The following SLC10A7 variants were observed in gnomAD, a reference collection of about 807,000 sequenced individuals.
SLC10A7 encodes solute carrier family 10 member 7.
A neutral mutation model predicts 43.2 loss-of-function variants in SLC10A7; 29 were observed. The observed-to-expected ratio is 0.67, with a 90% CI of 0.50 to 0.92. SLC10A7 has a LOEUF of 0.92. Among genes scored for constraint, SLC10A7 ranks in the 40% least tolerant of loss-of-function variants. SLC10A7 has a pLI of 0.00. For missense variants in SLC10A7, 295 were observed against 403.2 expected (o/e 0.73, Z 2.30); for synonymous variants, 152 against 144.8 (o/e 1.05, Z -0.35).
intron 1 of SLC10A7, among the ~76,000 whole-genome samples, chr4:146,519,105 ATAT>A (rs1738335847): frequency 8.7e-5 from 3 of 34,416 alleles, no homozygotes; most frequent in Non-Finnish European, 1.5e-4. Context: ...ATATATATAT[ATAT>A]ATATAATATA....
At chr4:146,351,510 G>C (rs1038322268) in intron 5 of SLC10A7, among the ~76,000 whole-genome samples, 1 of 149,492 alleles carries the variant, frequency 6.7e-6, no homozygotes, top group African/African-American at 2.5e-5. Flanking sequence ...GCAGGCCAAC[G>C]TTCAGATTCA....
intron 10 of SLC10A7, among the ~76,000 whole-genome samples, chr4:146,263,026 A>G (rs1228550342): frequency 6.6e-6 from 1 of 152,210 alleles, no homozygotes; most frequent in Non-Finnish European, 1.5e-5. Context: ...CATGATGGGC[A>G]CCTTGTGGTC....
At chr4:146,506,296 A>G (rs1314392424) in intron 3 of SLC10A7, among the ~76,000 whole-genome samples, 2 of 152,204 alleles carry the variant, frequency 1.3e-5, no homozygotes, top group Non-Finnish European at 2.9e-5. Context: ...TTGAATACAT[A>G]TATCTTCTAT....
chr4:146,287,316 T>G (rs1730099385), intron 9 of SLC10A7, among the ~76,000 whole-genome samples: 1 of 152,054 alleles, frequency 6.6e-6, no homozygotes, highest in Admixed American at 6.5e-5. Context: ...AAAGAGAAAG[T>G]GAAGACACGG....
intron 10 of SLC10A7, among the ~76,000 whole-genome samples, chr4:146,262,279 T>G (rs1224116480): frequency 6.6e-6 from 1 of 152,194 alleles, no homozygotes; most frequent in Non-Finnish European, 1.5e-5. Context: ...ACTTCCCATG[T>G]TCGAGTTTCC....
At chr4:146,517,542 C>A (rs2150060618) in intron 1 of SLC10A7, among the ~76,000 whole-genome samples, 1 of 152,212 alleles carries the variant, frequency 6.6e-6, no homozygotes, top group South Asian at 2.1e-4. Context: ...ATCAGTGTCA[C>A]CCCTGGTGTC....
chr4:146,360,262 C>T (rs1735950418), intron 5 of SLC10A7, among the ~76,000 whole-genome samples: 1 of 151,882 alleles, frequency 6.6e-6, no homozygotes, highest in Non-Finnish European at 1.5e-5. Flanking sequence ...CTCCAAACTC[C>T]AGTCTAGCCC....
At chr4:146,408,318 C>CA (rs1359359667) in intron 5 of SLC10A7, among the ~76,000 whole-genome samples, 1 of 152,010 alleles carries the variant, frequency 6.6e-6, no homozygotes, top group Non-Finnish European at 1.5e-5. Context: ...GAGGATGAGG[C>CA]AGGCAGATTG....
intron 5 of SLC10A7, among the ~76,000 whole-genome samples, chr4:146,378,797 A>G (rs575536422): frequency 2.6e-5 from 4 of 152,372 alleles, no homozygotes; most frequent in African/African-American, 9.6e-5. Context: ...GATTGCACAC[A>G]GAGTCCACTG....
chr4:146,338,946 A>G (rs114997018), intron 5 of SLC10A7, among the ~76,000 whole-genome samples: 3 of 152,062 alleles, frequency 2.0e-5, no homozygotes, highest in African/African-American at 7.2e-5. Context: ...ATTACCAACA[A>G]GACTATGGGA....
chr4:146,299,372 T>C (rs896510666), intron 7 of SLC10A7, among the ~76,000 whole-genome samples: 6 of 152,226 alleles, frequency 3.9e-5, no homozygotes, highest in Non-Finnish European at 5.9e-5. Flanking sequence ...GATGTTTACA[T>C]TCTAGTTTAA....
chr4:146,470,038 A>T (rs1733418610), intron 4 of SLC10A7, among the ~76,000 whole-genome samples: 1 of 152,220 alleles, frequency 6.6e-6, no homozygotes, highest in Non-Finnish European at 1.5e-5. Context: ...GGGCAGATAT[A>T]TAACTATGCA....
intron 4 of SLC10A7, among the ~76,000 whole-genome samples, chr4:146,488,582 A>G (rs1181374168): frequency 3.3e-5 from 5 of 152,214 alleles, no homozygotes; most frequent in Non-Finnish European, 7.4e-5. Context: ...ATGCACTATT[A>G]GCCCTTTAGT....
rs75942731 is a variant in SLC10A7, at chr4:146,320,346, T to C, written c.471+5615A>G. 1.1e-3 allele frequency among the ~76,000 whole-genome samples: 173 copies of C among 151,980 alleles called. 1 individual carries two copies. The East Asian group carries it at 0.02, about 17-fold the overall frequency. ...GGTGTATGTAACAAAGGAATTATAA[T>C]GATGGACCCATGAGGCCTAGGCTGG... is the stretch of plus-strand genomic sequence containing the variant. On this transcript the variant is annotated intron_variant, in intron 6 of 11. Coordinates refer to ENST00000335472, the MANE Select transcript of SLC10A7 (RefSeq NM_001029998.6).
At chr4:146,481,939 C>A (rs1004782929) in intron 4 of SLC10A7, among the ~76,000 whole-genome samples, 16 of 152,168 alleles carry the variant, frequency 1.1e-4, no homozygotes, top group African/African-American at 3.9e-4. Context: ...AGAAAAATCC[C>A]TAAAGTCCCT....
At chr4:146,461,426 T>C (rs1202310175) in intron 4 of SLC10A7, among the ~76,000 whole-genome samples, 1 of 152,054 alleles carries the variant, frequency 6.6e-6, no homozygotes, top group Non-Finnish European at 1.5e-5. Flanking sequence ...CAAAATATTA[T>C]ATAAAGTAAG....
At chr4:146,391,286 C>T (rs1182288625) in intron 5 of SLC10A7, among the ~76,000 whole-genome samples, 1 of 152,104 alleles carries the variant, frequency 6.6e-6, no homozygotes, top group Non-Finnish European at 1.5e-5. Flanking sequence ...AATGTGAACA[C>T]TGCAAATGTG....
At chr4:146,299,978 C>G (rs190239611) in intron 7 of SLC10A7, among the ~76,000 whole-genome samples, 57 of 152,232 alleles carry the variant, frequency 3.7e-4, no homozygotes, top group Middle Eastern at 3.4e-3. Context: ...CTCCATTGCA[C>G]GCATGGAGTA....
intron 6 of SLC10A7, among the ~76,000 whole-genome samples, chr4:146,314,861 T>C (rs1301373282): frequency 6.6e-6 from 1 of 152,158 alleles, no homozygotes; most frequent in Non-Finnish European, 1.5e-5. Context: ...AAATTGATGG[T>C]CTGCAGAATT....
Sources: allele counts gnomAD v4.1 joint callset (sites outside exome capture counted in the v4.1 genomes callset), GRCh38; gene constraint gnomAD v4.1.1; transcripts MANE v1.5; gene names NCBI Gene and HGNC (gene_info 2026-07-23, HGNC 2026-07-21).